TMTC1: variants seen among roughly 807,000 people sequenced by gnomAD.
TMTC1 encodes the protein protein O-mannosyl-transferase TMTC1.
In TMTC1, 73 loss-of-function variants were observed where a neutral mutation model predicts 104.8. The ratio of observed to expected loss-of-function variants is 0.70; its 90% CI spans 0.58 to 0.85. The LOEUF is 0.85. TMTC1 is among the 40% of genes least tolerant of loss of function. The pLI is 0.00. For missense variants in TMTC1, 1,035 were observed against 1,096.1 expected, an observed-to-expected ratio of 0.94 and a Z score of 0.79; for synonymous variants, 434 against 428.7, an observed-to-expected ratio of 1.01 and a Z score of -0.15.
chr12:29,739,458 T>C (rs1310082646), intron 5 of TMTC1, among the ~76,000 whole-genome samples: 2 of 152,224 alleles, frequency 1.3e-5, no homozygotes, highest in Non-Finnish European at 1.5e-5. Flanking sequence ...TCACCTCTCC[T>C]GTGATCTCAT....
At chr12:29,514,679 T>C in intron 15 of TMTC1, 75 bp from the exon 16 acceptor site, 1 of 1,492,690 alleles carries the variant, frequency 6.7e-7, no homozygotes, top group Non-Finnish European at 9.1e-7. Context: ...ATCAAATTTA[T>C]ACTTTTTGTT....
chr12:29,618,414 A>T (rs1947043574), intron 6 of TMTC1, among the ~76,000 whole-genome samples: 1 of 152,184 alleles, frequency 6.6e-6, no homozygotes, highest in African/African-American at 2.4e-5. Context: ...TGAAAAATAA[A>T]TTTTTTAATA....
chr12:29,510,047 C>T (rs1278467126), intron 17 of TMTC1, among the ~76,000 whole-genome samples: 1 of 152,180 alleles, frequency 6.6e-6, no homozygotes, highest in African/African-American at 2.4e-5. Context: ...TTGTTTGTCA[C>T]TTAATGACAA....
rs764923903 is a variant in TMTC1 at position 29,597,241 on chromosome 12, TC to T, written c.1250+6936del. The stretch of plus-strand genomic sequence containing the variant: ...TTTCTTTTTCTTTCTTTCTTTTCTT[TC>T]TTTTTTTTTTTTTTTTGAGATAAGG... On this transcript the variant is annotated intron_variant, in intron 7 of 17. Transcript: ENST00000539277. Among the ~76,000 whole-genome samples the T allele has an allele frequency of 6.4e-3, 918 of 143,376 alleles. 20 individuals are homozygous for T. The highest frequency in any genetic ancestry group is 0.05 in the East Asian group (252 of 5,072). The allele number at this position is 143,376 out of a possible 152,430, so 94.1% of individuals were successfully genotyped here. A position where few individuals can be genotyped will look rare whatever the true frequency, so the allele number is the denominator to read the frequency against.
intron 5 of TMTC1, among the ~76,000 whole-genome samples, chr12:29,663,983 C>A (rs904998450): frequency 6.6e-6 from 1 of 151,704 alleles, no homozygotes; most frequent in Non-Finnish European, 1.5e-5. Context: ...GTCAGGAGAT[C>A]GAGACCATCC....
intron 5 of TMTC1, among the ~76,000 whole-genome samples, chr12:29,712,977 A>T (rs1565787767): frequency 6.6e-6 from 1 of 151,828 alleles, no homozygotes. Flanking sequence ...CTATGAAGGT[A>T]TTTTTTTTAA....
In TMTC1 at chr12:29,501,873, TTTGA is replaced by T. The variant is rs1159187456; in HGVS notation, c.*4969_*4972del. ...GATCTTATCAATTCTGTTGTGCCACTTTGATTGATATTAAACCATACTTTTGATT... is the reference window on the plus strand; with the variant it reads ...GATCTTATCAATTCTGTTGTGCCACTTTGATATTAAACCATACTTTTGATT... On this transcript the variant is annotated 3_prime_UTR_variant, in exon 18 of 18. Transcript: ENST00000539277. 1 of 152,218 alleles carries T rather than the reference TTTGA, an allele frequency of 6.6e-6. No homozygotes were observed. The highest frequency in any genetic ancestry group is 1.5e-5 in the Non-Finnish European group (1 of 68,038). 9.4% of individuals were successfully genotyped at this position (152,218 alleles called of 1,614,324 possible).
Position 29,545,635 on chromosome 12 carries a change from A to T in TMTC1, c.1677-9318T>A, listed in dbSNP as rs940065511. On this transcript the variant is annotated intron_variant, in intron 10 of 17. Coordinates refer to ENST00000539277, the MANE Select transcript of TMTC1 (RefSeq NM_001193451.2). ...GCAACAGAGCAAGACTCTGTCACAC[A>T]CACACACACACACACACACACACAC... Among the ~76,000 whole-genome samples the T allele has an allele frequency of 9.8e-3, 1,011 of 103,482 alleles. 22 individuals carry two copies. Among genetic ancestry groups the T allele is most frequent in the African/African-American group, 0.032 (922 of 28,888 alleles). 67.9% of individuals were successfully genotyped at this position (103,482 alleles called of 152,430 possible). A position where few individuals can be genotyped will look rare whatever the true frequency, so the allele number is the denominator to read the frequency against.
At chr12:29,777,972 A>T (rs1273617787) in intron 1 of TMTC1, among the ~76,000 whole-genome samples, 1 of 152,244 alleles carries the variant, frequency 6.6e-6, no homozygotes, top group African/African-American at 2.4e-5. Context: ...GAGGTTAGCT[A>T]GTGCTTATTT....
At chr12:29,771,689 A>G (rs1943598013) in intron 1 of TMTC1, among the ~76,000 whole-genome samples, 1 of 152,120 alleles carries the variant, frequency 6.6e-6, no homozygotes, top group Non-Finnish European at 1.5e-5. Flanking sequence ...AGGATGGGAG[A>G]GGCAAGATAG....
chr12:29,674,641 A>C (rs960599391), intron 5 of TMTC1, among the ~76,000 whole-genome samples: 2 of 152,230 alleles, frequency 1.3e-5, no homozygotes, highest in African/African-American at 4.8e-5. Flanking sequence ...CAAGGCAGCC[A>C]GCTCAGGAGG....
intron 11 of TMTC1, among the ~76,000 whole-genome samples, chr12:29,527,652 A>G (rs1944386975): frequency 6.6e-6 from 1 of 152,232 alleles, no homozygotes; most frequent in Admixed American, 6.5e-5. Context: ...AAGGAACACA[A>G]TTGATGTCCT....
chr12:29,757,591 G>T (rs1053665040), intron 3 of TMTC1, among the ~76,000 whole-genome samples: 1 of 152,122 alleles, frequency 6.6e-6, no homozygotes, highest in Admixed American at 6.5e-5. Flanking sequence ...TGCTTAATCA[G>T]GCATCTCTCC....
intron 5 of TMTC1, among the ~76,000 whole-genome samples, chr12:29,664,060 G>A (rs1009876611): frequency 6.7e-5 from 10 of 150,292 alleles, no homozygotes; most frequent in African/African-American, 9.7e-5. Flanking sequence ...AGTGGCGGGC[G>A]CCTGTAGTCC....
At chr12:29,585,754 T>C (rs1039863776) in intron 7 of TMTC1, among the ~76,000 whole-genome samples, 3 of 152,226 alleles carry the variant, frequency 2.0e-5, no homozygotes, top group Admixed American at 6.5e-5. Context: ...GTTGTAGATA[T>C]GCAGCATTAT....
chr12:29,557,381 G>T (rs1003810581), intron 9 of TMTC1, among the ~76,000 whole-genome samples: 1 of 152,166 alleles, frequency 6.6e-6, no homozygotes, highest in Non-Finnish European at 1.5e-5. Flanking sequence ...CCTGTGCAGG[G>T]TCCACTATTT....
intron 5 of TMTC1, among the ~76,000 whole-genome samples, chr12:29,745,650 G>T (rs566036042): frequency 3.5e-5 from 5 of 144,228 alleles, no homozygotes; most frequent in East Asian, 2.1e-4. Context: ...GAAAGAAGCT[G>T]AAGAAGGGAA....
chr12:29,525,285 C>T (rs185751174), intron 11 of TMTC1, among the ~76,000 whole-genome samples: 56 of 145,962 alleles, frequency 3.8e-4, no homozygotes, highest in Non-Finnish European at 7.2e-4. Flanking sequence ...TGGGTTCAGG[C>T]GATTCTCCTG....
At chr12:29,509,941 T>C (rs986781834) in intron 17 of TMTC1, among the ~76,000 whole-genome samples, 1 of 152,244 alleles carries the variant, frequency 6.6e-6, no homozygotes, top group Non-Finnish European at 1.5e-5. Flanking sequence ...TTGGACACTT[T>C]TGAGTATATT....
Sources: allele counts gnomAD v4.1 joint callset (sites outside exome capture counted in the v4.1 genomes callset), GRCh38; gene constraint gnomAD v4.1.1; transcripts MANE v1.5; gene names NCBI Gene and HGNC (gene_info 2026-07-23, HGNC 2026-07-21).